Variants in EHD1 observed in about 807,000 individuals in gnomAD.
EHD1 encodes the protein EH domain containing 1, also known as EH domain-containing protein 1.
In EHD1, 19 loss-of-function variants were observed where a neutral mutation model predicts 39.0. The observed-to-expected ratio is 0.49, with a 90% CI of 0.34 to 0.72. EHD1 has a LOEUF of 0.72. EHD1 is among the 30% of genes least tolerant of loss of function. The pLI, the probability that EHD1 is intolerant of heterozygous loss-of-function variation, is 0.01. For synonymous variants in EHD1, 323 were observed against 331.2 expected (o/e 0.98, Z 0.27); for missense variants, 542 against 751.5 (o/e 0.72, Z 3.26).
At chr11:64,870,277 G>A (rs949808375) in intron 2 of EHD1, among the ~76,000 whole-genome samples, 7 of 152,094 alleles carry the variant, frequency 4.6e-5, no homozygotes, top group African/African-American at 1.4e-4. Flanking sequence ...GCACTCCTTC[G>A]CCCACAGCCT....
chr11:64,871,067 G>A (rs972702038), intron 2 of EHD1, among the ~76,000 whole-genome samples: 2 of 152,146 alleles, frequency 1.3e-5, no homozygotes, highest in Non-Finnish European at 2.9e-5. Flanking sequence ...GGACCATGGG[G>A]AAAGGGGAAA....
chr11:64,878,406 G>A lies in EHD1; in HGVS notation c.59C>T (p.Thr20Met), dbSNP rs1358656321. Residue 20 changes from threonine (T) to methionine (M), a missense_variant, in exon 1 of 5, where the codon ACG (threonine) becomes ATG (methionine). By Grantham distance (81) the Thr-to-Met change is moderately conservative. Coordinates refer to ENST00000320631, the MANE Select transcript of EHD1 (RefSeq NM_006795.4). ...RRKKEPELFQ[T>M]VAEGLRQLYA... Reference sequence around the variant, plus strand: ...CAGCTGCCGCAGCCCCTCAGCCACCGTCTGGAAGAGCTCCGGCTCCTTCTT... The same window carrying A: ...CAGCTGCCGCAGCCCCTCAGCCACCATCTGGAAGAGCTCCGGCTCCTTCTT... The A allele has an allele frequency of 6.2e-7, 1 of 1,613,766 alleles. No individual in the cohort carries two copies. The highest frequency in any genetic ancestry group is 8.5e-7 in the Non-Finnish European group (1 of 1,179,970).
Position 64,852,545 on chromosome 11 carries a change from C to T in EHD1, c.*1788G>A, listed in dbSNP as rs1943593372. 1 of 152,358 alleles carries T rather than the reference C, an allele frequency of 6.6e-6. No homozygotes were observed. Among genetic ancestry groups the T allele is most frequent in the Admixed American group, 6.5e-5 (1 of 15,282 alleles). 9.4% of individuals were successfully genotyped at this position (152,358 alleles called of 1,614,324 possible). A position where few individuals can be genotyped will look rare whatever the true frequency, so the allele number is the denominator to read the frequency against. ...GGGGCATCACCCCAGAAACCCTTTTCCCTACAGGCCTGGCCCTCTTAGTAG... is the reference window on the plus strand; with the variant it reads ...GGGGCATCACCCCAGAAACCCTTTTTCCTACAGGCCTGGCCCTCTTAGTAG... On this transcript the variant is annotated 3_prime_UTR_variant, in exon 5 of 5. Coordinates refer to ENST00000320631, the MANE Select transcript of EHD1 (RefSeq NM_006795.4).
chr11:64,854,843 G>C lies in EHD1; in HGVS notation c.1095C>G (p.Thr365=). The change falls in exon 5 of 5, where the codon ACC becomes ACG. Residue 365 remains threonine (T), a synonymous_variant. Transcript: ENST00000320631. ...GCGCCTGGAACTTGCTGAAGTCCTG[G>C]GTCTGCAGGAGTTCCTGTGGGCGGG... is the stretch of plus-strand genomic sequence containing the variant. ...SLRKMQELLQ[T]QDFSKFQALK... is the part of the protein sequence containing the mutation. The C allele has an allele frequency of 6.3e-7, 1 of 1,598,768 alleles. No individual in the cohort carries two copies. Among genetic ancestry groups the C allele is most frequent in the East Asian group, 2.2e-5 (1 of 44,830 alleles).
intron 2 of EHD1, 21 bp from the exon 3 acceptor site, chr11:64,860,357 A>T (rs774571412): frequency 2.0e-5 from 32 of 1,596,096 alleles, no homozygotes; most frequent in Non-Finnish European, 2.3e-5. Context: ...GAGAAGGGAG[A>T]GCTCAGGGGC....
At chr11:64,863,529 CA>C (rs1943737034) in intron 2 of EHD1, among the ~76,000 whole-genome samples, 1 of 152,248 alleles carries the variant, frequency 6.6e-6, no homozygotes, top group Admixed American at 6.5e-5. Flanking sequence ...GGCAGGTCCA[CA>C]GCCCAGGCTC....
In EHD1 at chr11:64,854,575, G is replaced by C. The variant is rs1236479445; in HGVS notation, c.1363C>G (p.Leu455Val). Residue 455 changes from leucine (L) to valine (V), a missense_variant, in exon 5 of 5, where the codon CTG becomes GTG. Transcript: ENST00000320631. Reference sequence around the variant, plus strand: ...GTGATCTTGCCGTTGACAGGGGACAGCGTGTAGAAGATCTCGTCGTAGGTG... The same window carrying C: ...GTGATCTTGCCGTTGACAGGGGACACCGTGTAGAAGATCTCGTCGTAGGTG... ...KPTYDEIFYT[L>V]SPVNGKITGA... The C allele has an allele frequency of 3.1e-6, 5 of 1,614,042 alleles. No individual in the cohort carries two copies. Among genetic ancestry groups the C allele is most frequent in the Non-Finnish European group, 4.2e-6 (5 of 1,180,014 alleles).
intron 4 of EHD1, 125 bp downstream of exon 4, chr11:64,855,197 C>T: frequency 1.4e-6 from 2 of 1,390,222 alleles, no homozygotes; most frequent in Non-Finnish European, 1.9e-6. Context: ...TGGTGATTAA[C>T]CCAGCTGCTT....
At position 64,853,394 on chromosome 11, in the gene EHD1, A is replaced by G. The variant is rs1318293959; in HGVS notation, c.*939T>C. Reference sequence around the variant, plus strand: ...CTCCCACTGTGGAGGGTGCGTCCCAAAGCTCCAGTTAAGTGAGAGGGTAGG... The same window carrying G: ...CTCCCACTGTGGAGGGTGCGTCCCAGAGCTCCAGTTAAGTGAGAGGGTAGG... On this transcript the variant is annotated 3_prime_UTR_variant, in exon 5 of 5. Coordinates refer to ENST00000320631, the MANE Select transcript of EHD1 (RefSeq NM_006795.4). 1 of 152,082 alleles carries G rather than the reference A, an allele frequency of 6.6e-6. No individual in the cohort carries two copies. The highest frequency in any genetic ancestry group is 1.5e-5 in the Non-Finnish European group (1 of 68,018). 9.4% of individuals were successfully genotyped at this position (152,082 alleles called of 1,614,324 possible). A position where few individuals can be genotyped will look rare whatever the true frequency, so the allele number is the denominator to read the frequency against.
chr11:64,878,790 T>A (rs1321997913), upstream of EHD1: 1 of 1,217,644 alleles, frequency 8.2e-7, no homozygotes, highest in African/African-American at 1.6e-5. Flanking sequence ...ATTGGCTGAT[T>A]CCAAATCTCG....
chr11:64,866,806 T>A (rs562707728), intron 2 of EHD1, among the ~76,000 whole-genome samples: 48 of 152,244 alleles, frequency 3.2e-4, no homozygotes, highest in African/African-American at 1.2e-3. Context: ...GTACATGTAC[T>A]CCTGAACCTA....
At chr11:64,874,072 A>T (rs1943859059) in intron 2 of EHD1, among the ~76,000 whole-genome samples, 1 of 150,938 alleles carries the variant, frequency 6.6e-6, no homozygotes, top group East Asian at 2.0e-4. Flanking sequence ...TTGGGAGGCC[A>T]AGGCGGGCAG....
chr11:64,877,339 A>AG (rs1358440163), intron 1 of EHD1, among the ~76,000 whole-genome samples: 1 of 152,176 alleles, frequency 6.6e-6, no homozygotes, highest in African/African-American at 2.4e-5. Context: ...AAGTGGGTGA[A>AG]GGAACCTCAG....
intron 2 of EHD1, among the ~76,000 whole-genome samples, chr11:64,865,971 C>A (rs375652938): frequency 7.2e-5 from 11 of 152,298 alleles, no homozygotes; most frequent in Admixed American, 5.2e-4. Flanking sequence ...GAATTTAAAA[C>A]AGAACTACCA....
At chr11:64,858,013 C>G (rs79034234) in intron 3 of EHD1, among the ~76,000 whole-genome samples, 4,947 of 147,370 alleles carry the variant, frequency 0.034, 287 homozygotes, top group African/African-American at 0.12. Context: ...GAGATAGGAG[C>G]TACGGCAAGG....
intron 2 of EHD1, among the ~76,000 whole-genome samples, chr11:64,866,325 T>A (rs1943766342): frequency 6.6e-6 from 1 of 152,060 alleles, no homozygotes; most frequent in Admixed American, 6.5e-5. Context: ...GTGTGAAACA[T>A]TGAGTACACA....
intron 3 of EHD1, chr11:64,856,449 T>C (rs924060353): frequency 2.0e-5 from 3 of 152,450 alleles, no homozygotes; most frequent in South Asian, 2.1e-4. Flanking sequence ...TGCTTAGGCA[T>C]GTGCCTGTTC....
chr11:64,865,551 G>A (rs529544710), intron 2 of EHD1, among the ~76,000 whole-genome samples: 13 of 152,340 alleles, frequency 8.5e-5, no homozygotes, highest in East Asian at 1.9e-4. Context: ...TGGCCCAAGC[G>A]GGTGGGCTGG....
chr11:64,853,345 CCCGCCA>C lies in EHD1; in HGVS notation c.*982_*987del, dbSNP rs2136470140. ...TACCAGCACCAAGCTGTCGTGAGGC[CCCGCCA>C]CCGCCACCCACCACCACCTCCCACT... On this transcript the variant is annotated 3_prime_UTR_variant, in exon 5 of 5. Transcript: ENST00000320631. 6.6e-6 allele frequency: 1 copy of C among 152,398 alleles called. No individual in the cohort carries two copies. Among genetic ancestry groups the C allele is most frequent in the Non-Finnish European group, 1.5e-5 (1 of 68,074 alleles). The allele number at this position is 152,398 out of a possible 1,614,324, so 9.4% of individuals were successfully genotyped here.
Sources: gnomAD v4.1 joint callset for allele counts (sites outside exome capture counted in the v4.1 genomes callset) on GRCh38, gnomAD v4.1.1 for gene constraint, MANE v1.5 for transcripts, NCBI Gene and HGNC (gene_info 2026-07-23, HGNC 2026-07-21) for gene names.